ZNF385D: variants seen among roughly 807,000 people sequenced by gnomAD.
The protein encoded by ZNF385D is zinc finger protein 659.
ZNF385D carries 15 observed loss-of-function variants against 35.8 expected under a neutral mutation model. The ratio of observed to expected loss-of-function variants is 0.42; its 90% CI spans 0.28 to 0.64. The LOEUF is 0.64. Ranked by LOEUF, ZNF385D falls within the 30% of genes least tolerant of loss-of-function variation. The probability of loss-of-function intolerance (pLI) is 0.23; values close to 1 mark genes in which losing one functional copy is unlikely to be tolerated. For synonymous variants in ZNF385D, 212 were observed against 186.8 expected, an observed-to-expected ratio of 1.13 and a Z score of -1.10; for missense variants, 474 against 494.6, an observed-to-expected ratio of 0.96 and a Z score of 0.39.
intron 2 of ZNF385D, among the ~76,000 whole-genome samples, chr3:22,198,043 TATTC>T (rs977248734): frequency 2.5e-4 from 38 of 152,108 alleles, no homozygotes; most frequent in African/African-American, 8.4e-4. Context: ...AACACATATG[TATTC>T]ATTAATTCTC....
intron 1 of ZNF385D, among the ~76,000 whole-genome samples, chr3:21,711,745 C>G (rs1271555700): frequency 6.6e-6 from 1 of 152,160 alleles, no homozygotes; most frequent in African/African-American, 2.4e-5. Context: ...AAATAAACAG[C>G]AACATCTAAT....
intron 2 of ZNF385D, among the ~76,000 whole-genome samples, chr3:22,234,170 C>G (rs533994220): frequency 1.3e-5 from 2 of 152,114 alleles, no homozygotes; most frequent in Admixed American, 1.3e-4. Flanking sequence ...ACTTTCCATA[C>G]TCATCATATT....
Position 22,318,074 on chromosome 3 carries a change from A to G in ZNF385D, c.106+54376T>C, listed in dbSNP as rs561970965. 2.5e-3 allele frequency among the ~76,000 whole-genome samples: 377 copies of G among 152,174 alleles called. 2 individuals carry two copies. Among genetic ancestry groups the G allele is most frequent in the African/African-American group, 9.0e-3 (374 of 41,488 alleles). The stretch of plus-strand genomic sequence containing the variant: ...CTCGGTTTCAAAAAGAAAAAAAAAA[A>G]AATGTGAATTAGAGTGCCAGTACAT... On this transcript the variant is annotated intron_variant, in intron 2 of 5. Coordinates refer to the ZNF385D transcript ENST00000494108.
chr3:22,042,053 G>T (rs1386706204), intron 3 of ZNF385D, among the ~76,000 whole-genome samples: 2 of 152,118 alleles, frequency 1.3e-5, no homozygotes, highest in Non-Finnish European at 2.9e-5. Flanking sequence ...TAATTAGCGG[G>T]TAGGTAACTA....
At chr3:21,711,780 C>T (rs4858007) in intron 1 of ZNF385D, among the ~76,000 whole-genome samples, 26,616 of 152,166 alleles carry the variant, frequency 0.17, 2,796 homozygotes, top group Admixed American at 0.3. Context: ...CCTCCAAGAG[C>T]TGTGGGAAAG....
At chr3:22,271,089 G>A (rs1400645102) in intron 2 of ZNF385D, among the ~76,000 whole-genome samples, 1 of 151,854 alleles carries the variant, frequency 6.6e-6, no homozygotes, top group African/African-American at 2.4e-5. Context: ...ACTATCTTGA[G>A]CCAGAGATCC....
At chr3:21,600,112 C>T (rs189452640) in intron 2 of ZNF385D, among the ~76,000 whole-genome samples, 1 of 152,300 alleles carries the variant, frequency 6.6e-6, no homozygotes, top group African/African-American at 2.4e-5. Context: ...AGGAATTTAC[C>T]CTATATGGTC....
chr3:22,074,394 T>G (rs1160029673), intron 3 of ZNF385D, among the ~76,000 whole-genome samples: 1 of 152,048 alleles, frequency 6.6e-6, no homozygotes, highest in African/African-American at 2.4e-5. Context: ...AAGCCAACTC[T>G]TAATTTTTCT....
intron 2 of ZNF385D, among the ~76,000 whole-genome samples, chr3:22,169,206 T>G (rs1706528653): frequency 6.6e-6 from 1 of 152,242 alleles, no homozygotes; most frequent in Non-Finnish European, 1.5e-5. Flanking sequence ...ACAATCTCTT[T>G]AATGGAATAT....
chr3:22,032,411 G>A (rs373277948), intron 3 of ZNF385D, among the ~76,000 whole-genome samples: 33 of 152,230 alleles, frequency 2.2e-4, no homozygotes, highest in African/African-American at 7.9e-4. Flanking sequence ...CAAACTATCG[G>A]ATCTCATGAG....
intron 2 of ZNF385D, among the ~76,000 whole-genome samples, chr3:22,351,909 G>A (rs777341178): frequency 6.6e-6 from 1 of 152,144 alleles, no homozygotes; most frequent in Non-Finnish European, 1.5e-5. Flanking sequence ...CTAACCTGAA[G>A]AGAGAGAAAA....
chr3:22,362,932 C>T (rs1274661254), intron 2 of ZNF385D, among the ~76,000 whole-genome samples: 1 of 152,010 alleles, frequency 6.6e-6, no homozygotes, highest in Non-Finnish European at 1.5e-5. Flanking sequence ...TTGCAAGAGG[C>T]AGAAAGAGTA....
intron 3 of ZNF385D, among the ~76,000 whole-genome samples, chr3:21,799,445 C>T (rs529074583): frequency 6.6e-6 from 1 of 152,264 alleles, no homozygotes; most frequent in South Asian, 2.1e-4. Flanking sequence ...AAATTATAGG[C>T]ATCCTAGTGG....
At chr3:22,207,273 C>T (rs1697219200) in intron 2 of ZNF385D, among the ~76,000 whole-genome samples, 1 of 151,778 alleles carries the variant, frequency 6.6e-6, no homozygotes, top group Non-Finnish European at 1.5e-5. Flanking sequence ...ACAGATTTGC[C>T]AAAACAATTC....
intron 2 of ZNF385D, among the ~76,000 whole-genome samples, chr3:22,248,824 T>C (rs890133280): frequency 1.3e-5 from 2 of 152,272 alleles, no homozygotes; most frequent in African/African-American, 4.8e-5. Flanking sequence ...TTGACCTTTA[T>C]AGCACATCAG....
chr3:21,871,808 C>A (rs1464279230), intron 3 of ZNF385D, among the ~76,000 whole-genome samples: 1 of 151,872 alleles, frequency 6.6e-6, no homozygotes, highest in Non-Finnish European at 1.5e-5. Context: ...GAGTTTGAGA[C>A]CAGCATGGCC....
At chr3:21,912,764 T>A (rs1347668337) in intron 3 of ZNF385D, among the ~76,000 whole-genome samples, 1 of 152,056 alleles carries the variant, frequency 6.6e-6, no homozygotes, top group East Asian at 1.9e-4. Context: ...CAAGCTACAT[T>A]TGGACCTTCT....
intron 2 of ZNF385D, among the ~76,000 whole-genome samples, chr3:21,567,483 A>C (rs1222839379): frequency 1.3e-5 from 2 of 152,182 alleles, no homozygotes; most frequent in Non-Finnish European, 2.9e-5. Context: ...AATAGCCCTC[A>C]TTCTGTTCTC....
At chr3:22,056,442 T>C (rs1040565904) in intron 3 of ZNF385D, among the ~76,000 whole-genome samples, 1 of 152,144 alleles carries the variant, frequency 6.6e-6, no homozygotes, top group African/African-American at 2.4e-5. Flanking sequence ...ATCATTTAGG[T>C]GGGAATGTCA....
Sources: allele counts gnomAD v4.1 joint callset (sites outside exome capture counted in the v4.1 genomes callset), GRCh38; gene constraint gnomAD v4.1.1; transcripts MANE v1.5; gene names NCBI Gene and HGNC (gene_info 2026-07-23, HGNC 2026-07-21).